The following ARMH3 variants were observed in gnomAD, a reference collection of about 807,000 sequenced individuals.
ARMH3 encodes armadillo-like helical domain-containing protein 3.
In ARMH3, 60 loss-of-function variants were observed where a neutral mutation model predicts 99.1. That is an observed-to-expected ratio of 0.61 (90% CI 0.49 to 0.75). The LOEUF is 0.75. Ranked by LOEUF, ARMH3 falls within the 30% of genes least tolerant of loss-of-function variation. The probability of loss-of-function intolerance (pLI) is 0.00; values close to 1 mark genes in which losing one functional copy is unlikely to be tolerated. For missense variants in ARMH3, 679 were observed against 843.1 expected (o/e 0.81, Z 2.41); for synonymous variants, 285 against 292.8 (o/e 0.97, Z 0.27).
intron 23 of ARMH3, among the ~76,000 whole-genome samples, chr10:101,906,906 T>G (rs929395310): frequency 2.6e-5 from 4 of 152,186 alleles, no homozygotes; most frequent in African/African-American, 9.7e-5. Flanking sequence ...TCCTACCAGT[T>G]AACACCAGTT....
intron 25 of ARMH3, among the ~76,000 whole-genome samples, chr10:101,848,525 C>T (rs761355668): frequency 2.6e-5 from 4 of 152,094 alleles, no homozygotes; most frequent in Non-Finnish European, 5.9e-5. Context: ...CCCTGGGCCC[C>T]AAAGTCTCAG....
chr10:102,055,898 C>T (rs1370113888), intron 1 of ARMH3, among the ~76,000 whole-genome samples, 187 bp downstream of exon 1: 6 of 152,212 alleles, frequency 3.9e-5, no homozygotes, highest in Non-Finnish European at 2.9e-5. Flanking sequence ...GCCCCCAGGC[C>T]CAGCCCTCCC....
Position 101,878,152 on chromosome 10 carries a change from G to A in ARMH3, c.1860+11260C>T, listed in dbSNP as rs146246289. Among the ~76,000 whole-genome samples the A allele has an allele frequency of 1.4e-4, 22 of 152,128 alleles. No individual in the cohort carries two copies. The East Asian group carries it at 3.5e-3, about 24-fold the overall frequency. ...GTGCGCCTGTAATCCCAACTACTCG[G>A]GAGGTTACGATAGGAGAATTGCTAG... On this transcript the variant is annotated intron_variant, in intron 24 of 25. Coordinates refer to ENST00000370033, the MANE Select transcript of ARMH3 (RefSeq NM_024541.3).
At chr10:101,988,426 C>G (rs971197198) in intron 19 of ARMH3, among the ~76,000 whole-genome samples, 12 of 152,100 alleles carry the variant, frequency 7.9e-5, no homozygotes, top group African/African-American at 2.7e-4. Context: ...GGGACCCCAG[C>G]TAAAATAAGC....
intron 9 of ARMH3, among the ~76,000 whole-genome samples, chr10:102,013,187 T>C (rs1018981200): frequency 1.6e-4 from 25 of 152,308 alleles, no homozygotes; most frequent in African/African-American, 5.5e-4. Flanking sequence ...AAGATCCAGT[T>C]AGAATCTTCA....
intron 19 of ARMH3, among the ~76,000 whole-genome samples, chr10:101,979,729 T>C (rs1045402324): frequency 1.3e-5 from 2 of 152,260 alleles, no homozygotes; most frequent in African/African-American, 2.4e-5. Flanking sequence ...ATTTCATATA[T>C]TCTATAACTA....
chr10:101,888,073 TAA>T (rs146742225), intron 24 of ARMH3, among the ~76,000 whole-genome samples: 4 of 130,852 alleles, frequency 3.1e-5, no homozygotes, highest in Admixed American at 7.6e-5. Context: ...TTTTTTTTTT[TAA>T]AAAAAAAAAA....
chr10:102,053,684 G>T (rs2067766050), intron 1 of ARMH3, among the ~76,000 whole-genome samples: 1 of 150,418 alleles, frequency 6.6e-6, no homozygotes, highest in East Asian at 1.9e-4. Context: ...TTTTGAGAGG[G>T]AGTCTCGCTC....
At chr10:101,900,029 T>C (rs1051563759) in intron 23 of ARMH3, among the ~76,000 whole-genome samples, 1 of 152,194 alleles carries the variant, frequency 6.6e-6, no homozygotes, top group Non-Finnish European at 1.5e-5. Flanking sequence ...ATAAAAGGCA[T>C]CATCACTTAA....
At chr10:102,029,912 GT>G (rs374252131) in intron 4 of ARMH3, among the ~76,000 whole-genome samples, 167 bp from the exon 5 acceptor site, 1 of 148,410 alleles carries the variant, frequency 6.7e-6, no homozygotes, top group Non-Finnish European at 1.5e-5. Context: ...GTTTGGTTCG[GT>G]TTTTTTGTTT....
At chr10:101,864,060 C>CAAA (rs71485765) in intron 24 of ARMH3, among the ~76,000 whole-genome samples, 1 of 105,680 alleles carries the variant, frequency 9.5e-6, no homozygotes, top group African/African-American at 4.0e-5. Context: ...GACTCCATCT[C>CAAA]AAAAAAAAAA....
At chr10:101,957,913 C>T (rs1845113102) in intron 20 of ARMH3, among the ~76,000 whole-genome samples, 181 bp from the exon 21 acceptor site, 1 of 152,144 alleles carries the variant, frequency 6.6e-6, no homozygotes, top group Non-Finnish European at 1.5e-5. Context: ...CCTTCCCAAG[C>T]ACGTGTCTGC....
At chr10:101,907,373 G>A (rs1422609854) in intron 23 of ARMH3, among the ~76,000 whole-genome samples, 1 of 150,192 alleles carries the variant, frequency 6.7e-6, no homozygotes, top group Admixed American at 6.6e-5. Context: ...AACTGTTTTT[G>A]TCTTTGTTTT....
chr10:102,041,090 A>ATATATATTAT lies in ARMH3; in HGVS notation c.-11-966_-11-965insATAATATATA, dbSNP rs1554897209. Reference sequence around the variant, plus strand: ...ATTGTGTGTACATATATATATATATAATATATATATATATATATATATGTA... The same window carrying ATATATATTAT: ...ATTGTGTGTACATATATATATATATATATATATTATATATATATATATATATATATATGTA... On this transcript the variant is annotated intron_variant, in intron 1 of 25. Transcript: ENST00000370033. 3.0e-5 allele frequency among the ~76,000 whole-genome samples: 4 copies of ATATATATTAT among 132,642 alleles called. No individual in the cohort carries two copies. In the Admixed American group the frequency reaches 3.1e-4, roughly 10 times the overall value. The allele number at this position is 132,642 out of a possible 152,430, so 87.0% of individuals were successfully genotyped here.
At chr10:101,925,285 A>G (rs189249828) in intron 23 of ARMH3, among the ~76,000 whole-genome samples, 6 of 152,364 alleles carry the variant, frequency 3.9e-5, no homozygotes, top group East Asian at 3.9e-4. Flanking sequence ...TCTAGGTTCC[A>G]GTTCTAGATG....
At chr10:101,955,335 T>C (rs1844982754) in intron 22 of ARMH3, among the ~76,000 whole-genome samples, 1 of 152,192 alleles carries the variant, frequency 6.6e-6, no homozygotes, top group Admixed American at 6.5e-5. Flanking sequence ...GATCATACCA[T>C]TCTAGAATTG....
At chr10:102,011,971 G>A (rs1052094451) in intron 10 of ARMH3, among the ~76,000 whole-genome samples, 188 bp from the exon 11 acceptor site, 1 of 152,192 alleles carries the variant, frequency 6.6e-6, no homozygotes, top group African/African-American at 2.4e-5. Flanking sequence ...TTGAGGTAGT[G>A]TGTACCAAAA....
intron 23 of ARMH3, among the ~76,000 whole-genome samples, chr10:101,902,803 T>G (rs567435145): frequency 6.6e-6 from 1 of 152,010 alleles, no homozygotes; most frequent in Non-Finnish European, 1.5e-5. Flanking sequence ...CCTGATTCTT[T>G]GACGGCACCT....
chr10:101,971,181 CA>C (rs1845757083), intron 20 of ARMH3, among the ~76,000 whole-genome samples: 1 of 151,272 alleles, frequency 6.6e-6, no homozygotes, highest in Non-Finnish European at 1.5e-5. Flanking sequence ...GAAAACACTC[CA>C]AAAATAAGAC....
Sources: allele counts gnomAD v4.1 joint callset (sites outside exome capture counted in the v4.1 genomes callset), GRCh38; gene constraint gnomAD v4.1.1; transcripts MANE v1.5; gene names NCBI Gene and HGNC (gene_info 2026-07-23, HGNC 2026-07-21).